RASSF8: variants seen among roughly 807,000 people sequenced by gnomAD.
RASSF8 encodes the protein Ras association domain family member 8.
RASSF8 carries 22 observed loss-of-function variants against 48.5 expected under a neutral mutation model. The ratio of observed to expected loss-of-function variants is 0.45; its 90% confidence interval spans 0.32 to 0.65. RASSF8 has a LOEUF of 0.65. Among genes scored for constraint, RASSF8 ranks in the 30% least tolerant of loss-of-function variants. The pLI is 0.03. For missense variants in RASSF8, 418 were observed against 489.2 expected, an observed-to-expected ratio of 0.85 and a Z score of 1.37; for synonymous variants, 127 against 171.5, an observed-to-expected ratio of 0.74 and a Z score of 2.03.
At position 25,958,727 on chromosome 12, in the gene RASSF8, C is replaced by T. The variant is rs1159603217; in HGVS notation, c.-624C>T. On this transcript the variant is annotated 5_prime_UTR_variant, in exon 1 of 6. Transcript: ENST00000689635. ...CGAGCGGGTCGCCGACTCCTACGCC[C>T]GCGCTCCTCCTACGCCCGCGCTCGT... The T allele has an allele frequency of 6.8e-6, 1 of 146,726 alleles. No individual in the cohort carries two copies. Among genetic ancestry groups the T allele is most frequent in the East Asian group, 2.0e-4 (1 of 5,096 alleles). 9.1% of individuals were successfully genotyped at this position (146,726 alleles called of 1,614,324 possible).
chr12:26,031,178 C>A (rs968659382), intron 2 of RASSF8, among the ~76,000 whole-genome samples: 2 of 152,038 alleles, frequency 1.3e-5, no homozygotes, highest in Non-Finnish European at 2.9e-5. Context: ...TGTAGACTCC[C>A]CCTGCCCCAT....
chr12:26,026,700 T>G (rs1264290278), intron 2 of RASSF8, among the ~76,000 whole-genome samples: 1 of 152,180 alleles, frequency 6.6e-6, no homozygotes, highest in Non-Finnish European at 1.5e-5. Flanking sequence ...CCCCCCAAAG[T>G]GCTGGGATTA....
chr12:26,066,311 A>T (rs752400896), intron 4 of RASSF8, among the ~76,000 whole-genome samples: 5 of 152,148 alleles, frequency 3.3e-5, no homozygotes, highest in Non-Finnish European at 5.9e-5. Context: ...AGAAATTCAG[A>T]ATCTACATTG....
intron 1 of RASSF8, among the ~76,000 whole-genome samples, chr12:25,989,962 C>T (rs1293180091): frequency 1.3e-5 from 2 of 152,182 alleles, no homozygotes; most frequent in Non-Finnish European, 2.9e-5. Flanking sequence ...GGTACTAAAT[C>T]TGAAATCTTA....
Position 25,958,874 on chromosome 12 carries a change from T to C in RASSF8, c.-477T>C, listed in dbSNP as rs1941150343. On this transcript the variant is annotated 5_prime_UTR_variant, in exon 1 of 6. Transcript: ENST00000689635. ...CTGGGGGCGGCTCCCGCGGCGTCTC[T>C]GCCGCTGGCCGAGCGCTCGCGCACC... 6.8e-6 allele frequency: 1 copy of C among 146,736 alleles called. No homozygotes were observed. The highest frequency in any genetic ancestry group is 2.4e-5 in the African/African-American group (1 of 40,834). The allele number at this position is 146,736 out of a possible 1,614,324, so 9.1% of individuals were successfully genotyped here.
At chr12:26,064,455 A>C (rs1943817509) in intron 3 of RASSF8, 43 bp from the exon 4 acceptor site, 2 of 1,472,132 alleles carry the variant, frequency 1.4e-6, no homozygotes, top group Non-Finnish European at 1.8e-6. Flanking sequence ...TTTAACTATT[A>C]CATATCCCAT....
intron 2 of RASSF8, among the ~76,000 whole-genome samples, chr12:26,008,364 C>A (rs1942442659): frequency 6.6e-6 from 1 of 152,132 alleles, no homozygotes; most frequent in African/African-American, 2.4e-5. Context: ...TGTTCCATCC[C>A]CTTTAGCATG....
intron 1 of RASSF8, among the ~76,000 whole-genome samples, chr12:25,985,267 A>G (rs983741165): frequency 6.6e-6 from 1 of 152,178 alleles, no homozygotes; most frequent in African/African-American, 2.4e-5. Flanking sequence ...TGCTGTAACT[A>G]TAGACCCTAT....
At chr12:26,040,992 A>G (rs563202564) in intron 2 of RASSF8, among the ~76,000 whole-genome samples, 291 of 150,954 alleles carry the variant, frequency 1.9e-3, no homozygotes, top group African/African-American at 6.9e-3. Context: ...GGTTCACGCC[A>G]TTCTCCTGCC....
At chr12:26,003,500 A>G (rs185893170) in intron 2 of RASSF8, among the ~76,000 whole-genome samples, 10 of 152,360 alleles carry the variant, frequency 6.6e-5, no homozygotes, top group Admixed American at 1.3e-4. Context: ...TATGCAGCCA[A>G]TAAAAGAGTT....
At chr12:25,965,584 C>G (rs829986) in intron 1 of RASSF8, among the ~76,000 whole-genome samples, 139,112 of 151,958 alleles carry the variant, frequency 0.92, 63,708 homozygotes, top group East Asian at 0.99. Context: ...CTTATCTCTC[C>G]ACCTCAAATG....
intron 5 of RASSF8, among the ~76,000 whole-genome samples, chr12:26,077,942 A>G (rs556451987): frequency 6.6e-6 from 1 of 152,352 alleles, no homozygotes; most frequent in East Asian, 1.9e-4. Flanking sequence ...TAAAGAGGGA[A>G]GATGTGGGCT....
At chr12:25,995,255 T>C (rs1168598272) in intron 2 of RASSF8, 125 bp downstream of exon 2, 1 of 152,194 alleles carries the variant, frequency 6.6e-6, no homozygotes, top group African/African-American at 2.4e-5. Flanking sequence ...ATTAGTAAAG[T>C]CTTAAGAATC....
At chr12:25,975,597 A>G (rs1197245733) in intron 1 of RASSF8, among the ~76,000 whole-genome samples, 4 of 152,250 alleles carry the variant, frequency 2.6e-5, no homozygotes, top group African/African-American at 7.2e-5. Context: ...AAGGAACAAT[A>G]CTTGTAGTGG....
chr12:25,991,825 T>C (rs1473331552), intron 1 of RASSF8, among the ~76,000 whole-genome samples: 1 of 152,186 alleles, frequency 6.6e-6, no homozygotes, highest in East Asian at 1.9e-4. Context: ...GTGAAAACCA[T>C]TGGGGGCCAT....
intron 2 of RASSF8, among the ~76,000 whole-genome samples, chr12:25,995,875 C>T (rs1298006423): frequency 5.3e-5 from 8 of 150,112 alleles, no homozygotes; most frequent in Admixed American, 3.3e-4. Context: ...CACCAGCCAG[C>T]GTGCTGTCTC....
intron 2 of RASSF8, among the ~76,000 whole-genome samples, chr12:26,050,554 G>A (rs1846570649): frequency 6.6e-6 from 1 of 152,154 alleles, no homozygotes. Context: ...GGTGCATCTT[G>A]TTTCCACTAA....
intron 2 of RASSF8, among the ~76,000 whole-genome samples, chr12:26,043,383 G>A (rs780595428): frequency 2.0e-5 from 3 of 152,220 alleles, no homozygotes; most frequent in Admixed American, 6.5e-5. Flanking sequence ...AACTGGGAGA[G>A]TTGCAAGATG....
chr12:26,058,764 G>C (rs892670487), intron 3 of RASSF8, among the ~76,000 whole-genome samples: 2 of 152,214 alleles, frequency 1.3e-5, no homozygotes, highest in African/African-American at 4.8e-5. Context: ...AAACAACATA[G>C]TTTGATGAAA....
Sources: allele counts gnomAD v4.1 joint callset (sites outside exome capture counted in the v4.1 genomes callset), GRCh38; gene constraint gnomAD v4.1.1; transcripts MANE v1.5; gene names NCBI Gene and HGNC (gene_info 2026-07-23, HGNC 2026-07-21).